The following PDZD2 variants were observed in gnomAD, a reference collection of about 807,000 sequenced individuals.
PDZD2 encodes PDZ domain containing 2.
PDZD2 carries 90 observed loss-of-function variants against 220.7 expected under a neutral mutation model. The ratio of observed to expected loss-of-function variants is 0.41; its 90% CI spans 0.34 to 0.49. The LOEUF (loss-of-function observed/expected upper bound fraction) is 0.49. Among genes scored for constraint, PDZD2 ranks in the 20% least tolerant of loss-of-function variants. PDZD2 has a pLI of 0.28. For synonymous variants in PDZD2, 1,375 were observed against 1,450.5 expected (o/e 0.95, Z 1.18); for missense variants, 3,174 against 3,608.5 (o/e 0.88, Z 3.08).
chr5:31,719,597 AAC>A (rs756011829), intron 1 of PDZD2, among the ~76,000 whole-genome samples: 1 of 152,204 alleles, frequency 6.6e-6, no homozygotes, highest in Non-Finnish European at 1.5e-5. Context: ...ATTCCAAAGG[AAC>A]ATAGTTGGAG....
intron 23 of PDZD2, chr5:32,100,691 A>G: frequency 2.6e-6 from 1 of 381,350 alleles, no homozygotes; most frequent in South Asian, 1.9e-5. Context: ...CCAGAGGATG[A>G]TCTGCTGCTG....
chr5:31,810,556 CGA>C (rs1755053498), intron 2 of PDZD2, among the ~76,000 whole-genome samples: 1 of 152,156 alleles, frequency 6.6e-6, no homozygotes, highest in Non-Finnish European at 1.5e-5. Flanking sequence ...TGAGCCACCA[CGA>C]CCAGCCGCCT....
At chr5:31,733,905 ATTCAATTC>A (rs1329098061) in intron 1 of PDZD2, among the ~76,000 whole-genome samples, 3 of 152,186 alleles carry the variant, frequency 2.0e-5, no homozygotes, top group Admixed American at 6.6e-5. Context: ...TTGCAATTTA[ATTCAATTC>A]TGACACTGTC....
chr5:32,022,719 C>T (rs1437956644), intron 6 of PDZD2, among the ~76,000 whole-genome samples: 3 of 152,168 alleles, frequency 2.0e-5, no homozygotes, highest in Admixed American at 1.3e-4. Context: ...CAGTGGTCCT[C>T]AAATAGGAAA....
intron 2 of PDZD2, among the ~76,000 whole-genome samples, chr5:31,886,700 CTCTTTT>C (rs1355033364): frequency 8.0e-6 from 1 of 124,262 alleles, no homozygotes; most frequent in African/African-American, 2.7e-5. Flanking sequence ...TTGTCTCTGT[CTCTTTT>C]TTTTTTTTTG....
intron 2 of PDZD2, among the ~76,000 whole-genome samples, chr5:31,865,174 A>G (rs533560207): frequency 6.6e-6 from 1 of 152,002 alleles, no homozygotes; most frequent in East Asian, 1.9e-4. Context: ...TCTTGTGTCT[A>G]TTCTGTCCTT....
At chr5:32,085,920 T>C (rs944790842) in intron 19 of PDZD2, among the ~76,000 whole-genome samples, 1 of 152,096 alleles carries the variant, frequency 6.6e-6, no homozygotes, top group Admixed American at 6.6e-5. Flanking sequence ...ACCGAATCTA[T>C]AGATGACTTT....
chr5:31,766,751 A>G (rs1485054799), intron 1 of PDZD2, among the ~76,000 whole-genome samples: 1 of 144,392 alleles, frequency 6.9e-6, no homozygotes, highest in Non-Finnish European at 1.5e-5. Flanking sequence ...TTTTTTTGAG[A>G]CAGAGTTTCG....
intron 1 of PDZD2, among the ~76,000 whole-genome samples, chr5:31,644,168 G>T (rs1349105440): frequency 6.6e-6 from 1 of 152,142 alleles, no homozygotes; most frequent in Non-Finnish European, 1.5e-5. Context: ...AAAATTTTCT[G>T]AAATTATTCC....
chr5:31,737,451 C>G (rs193033565), intron 1 of PDZD2, among the ~76,000 whole-genome samples: 1 of 152,060 alleles, frequency 6.6e-6, no homozygotes, highest in Non-Finnish European at 1.5e-5. Context: ...GGATTACAGG[C>G]GTGAGCTACC....
At chr5:31,974,929 A>G (rs1170161653) in intron 2 of PDZD2, among the ~76,000 whole-genome samples, 1 of 152,150 alleles carries the variant, frequency 6.6e-6, no homozygotes, top group Admixed American at 6.5e-5. Context: ...ACAATAAACT[A>G]TGTAATGGTA....
intron 1 of PDZD2, among the ~76,000 whole-genome samples, chr5:31,652,843 T>C (rs891360608): frequency 1.6e-4 from 24 of 152,090 alleles, no homozygotes; most frequent in Admixed American, 2.6e-4. Context: ...AAACCCCACT[T>C]CTGCTAAAAA....
intron 1 of PDZD2, among the ~76,000 whole-genome samples, chr5:31,653,418 C>T (rs1745425062): frequency 6.6e-6 from 1 of 151,982 alleles, no homozygotes; most frequent in Non-Finnish European, 1.5e-5. Context: ...GAGAGAAGAA[C>T]CTGGGTTATA....
At chr5:31,894,837 T>C (rs138134493) in intron 2 of PDZD2, among the ~76,000 whole-genome samples, 1 of 152,118 alleles carries the variant, frequency 6.6e-6, no homozygotes, top group East Asian at 1.9e-4. Context: ...TATTCTGGAG[T>C]TTGTTACCTC....
At chr5:31,706,531 G>C (rs572658058) in intron 1 of PDZD2, among the ~76,000 whole-genome samples, 2 of 152,036 alleles carry the variant, frequency 1.3e-5, no homozygotes, top group Admixed American at 6.6e-5. Context: ...CTACCAGAGA[G>C]AGCCTGGGCA....
chr5:31,994,521 T>C (rs990055864), intron 3 of PDZD2, among the ~76,000 whole-genome samples: 3 of 151,928 alleles, frequency 2.0e-5, no homozygotes, highest in African/African-American at 4.8e-5. Flanking sequence ...GGTGATGGAG[T>C]CTTGCTTTGT....
At chr5:31,698,132 C>A (rs1232378439) in intron 1 of PDZD2, among the ~76,000 whole-genome samples, 1 of 148,232 alleles carries the variant, frequency 6.7e-6, no homozygotes, top group Non-Finnish European at 1.5e-5. Context: ...CGGTCTCGAT[C>A]TCTTGACCTC....
chr5:31,736,267 G>A (rs904418352), intron 1 of PDZD2, among the ~76,000 whole-genome samples: 1 of 152,060 alleles, frequency 6.6e-6, no homozygotes, highest in Non-Finnish European at 1.5e-5. Flanking sequence ...GTCACTGCTC[G>A]CGTTCTGCCT....
At chr5:31,776,151 G>A (rs937850766) in intron 1 of PDZD2, among the ~76,000 whole-genome samples, 12 of 152,254 alleles carry the variant, frequency 7.9e-5, no homozygotes, top group Admixed American at 1.3e-4. Context: ...CTTCACTGGC[G>A]GAGCCCCTAG....
Sources: allele counts gnomAD v4.1 joint callset (sites outside exome capture counted in the v4.1 genomes callset), GRCh38; gene constraint gnomAD v4.1.1; transcripts MANE v1.5; gene names NCBI Gene and HGNC (gene_info 2026-07-23, HGNC 2026-07-21).